Variants in SYNC observed in about 807,000 individuals in gnomAD.
The protein encoded by SYNC is syncoilin, intermediate filament protein.
A neutral mutation model predicts 49.5 loss-of-function variants in SYNC; 38 were observed. The observed-to-expected ratio is 0.77, with a 90% CI of 0.59 to 1.01. The LOEUF (loss-of-function observed/expected upper bound fraction) is 1.01. Ranked by LOEUF, SYNC falls within the 50% of genes least tolerant of loss-of-function variation. The pLI is 0.00. For missense variants in SYNC, 579 were observed against 580.6 expected, an observed-to-expected ratio of 1.00 and a Z score of 0.03; for synonymous variants, 201 against 230.8, an observed-to-expected ratio of 0.87 and a Z score of 1.17.
intron 2 of SYNC, among the ~76,000 whole-genome samples, chr1:32,692,573 C>G (rs1261482509): frequency 3.3e-5 from 5 of 152,086 alleles, no homozygotes; most frequent in Non-Finnish European, 1.5e-5. Context: ...ATGGTGAAAC[C>G]CCATCTCTAC....
chr1:32,693,544 G>C (rs973095417), intron 2 of SYNC, among the ~76,000 whole-genome samples: 1 of 152,202 alleles, frequency 6.6e-6, no homozygotes, highest in Non-Finnish European at 1.5e-5. Flanking sequence ...TGTTTCAAAA[G>C]ATTAAAGTAC....
intron 1 of SYNC, among the ~76,000 whole-genome samples, chr1:32,701,621 G>A (rs1397062611): frequency 1.3e-5 from 2 of 152,184 alleles, no homozygotes; most frequent in Admixed American, 6.5e-5. Flanking sequence ...GGCCTCTGCT[G>A]GGTGCTGCCC....
chr1:32,694,810 C>T (rs1489507918), intron 2 of SYNC, 55 bp downstream of exon 2: 5 of 1,477,580 alleles, frequency 3.4e-6, no homozygotes, highest in Non-Finnish European at 4.5e-6. Flanking sequence ...TGGACTCTGG[C>T]CACTCTTTCC....
chr1:32,698,955 C>CT (rs1279934910), intron 1 of SYNC, among the ~76,000 whole-genome samples: 1 of 151,032 alleles, frequency 6.6e-6, no homozygotes, highest in Non-Finnish European at 1.5e-5. Context: ...AATTTTTTAA[C>CT]TTTTTGTAGA....
At chr1:32,687,861 A>ATTATTATTTTTTTT (rs1280120903) in intron 2 of SYNC, among the ~76,000 whole-genome samples, 1 of 146,440 alleles carries the variant, frequency 6.8e-6, no homozygotes, top group Non-Finnish European at 1.5e-5. Flanking sequence ...TATTATTATT[A>ATTATTATTTTTTTT]TTTTTTGAGA....
At chr1:32,687,516 C>T (rs953774685) in intron 2 of SYNC, among the ~76,000 whole-genome samples, 3 of 151,322 alleles carry the variant, frequency 2.0e-5, no homozygotes, top group African/African-American at 4.9e-5. Context: ...ACTAAAAATA[C>T]AAAAATTAGT....
intron 1 of SYNC, among the ~76,000 whole-genome samples, chr1:32,699,249 G>C (rs998095026): frequency 3.4e-5 from 5 of 147,828 alleles, no homozygotes; most frequent in Non-Finnish European, 7.4e-5. Flanking sequence ...CTCCTCCTGG[G>C]TTCAAGTGAT....
chr1:32,684,424 T>A, intron 2 of SYNC, 42 bp from the exon 3 acceptor site: 1 of 1,612,862 alleles, frequency 6.2e-7, no homozygotes, highest in Non-Finnish European at 8.5e-7. Context: ...AGCCAAACAA[T>A]AAAAACTCAC....
Position 32,680,340 on chromosome 1 carries a change from T to G in SYNC, c.*1510A>C, listed in dbSNP as rs944252470. On this transcript the variant is annotated 3_prime_UTR_variant, in exon 5 of 5. Coordinates refer to ENST00000409190, the MANE Select transcript of SYNC (RefSeq NM_030786.3). ...TTATTTCCTGTCTGTGAAATGGTGTTTTTTTTTTTGTTGTTGGTTTTTTTT... is the reference window on the plus strand; with the variant it reads ...TTATTTCCTGTCTGTGAAATGGTGTGTTTTTTTTTGTTGTTGGTTTTTTTT... 2.8e-5 allele frequency: 33 copies of G among 1,188,692 alleles called. No homozygotes were observed. The East Asian group carries it at 3.3e-4, about 12-fold the overall frequency. 73.6% of individuals were successfully genotyped at this position (1,188,692 alleles called of 1,614,324 possible).
At chr1:32,684,416 C>T (rs770653506) in intron 2 of SYNC, 34 bp from the exon 3 acceptor site, 6 of 1,613,062 alleles carry the variant, frequency 3.7e-6, no homozygotes, top group Non-Finnish European at 5.1e-6. Flanking sequence ...TTCTAATGAG[C>T]CAAACAATAA....
chr1:32,680,613 G>C lies in SYNC; in HGVS notation c.*1237C>G. ...GGCCTGTTACTCTCCATGACTAACT[G>C]TGTAAGTGCTTAAAATGGAATAAAT... On this transcript the variant is annotated 3_prime_UTR_variant, in exon 5 of 5. Transcript: ENST00000409190. 1 of 1,349,240 alleles carries C rather than the reference G, an allele frequency of 7.4e-7. No homozygotes were observed. Among genetic ancestry groups the C allele is most frequent in the Non-Finnish European group, 1.0e-6 (1 of 980,970 alleles). 83.6% of individuals were successfully genotyped at this position (1,349,240 alleles called of 1,614,324 possible).
chr1:32,700,919 CTT>C (rs530251747), intron 1 of SYNC, among the ~76,000 whole-genome samples: 3 of 145,558 alleles, frequency 2.1e-5, no homozygotes, highest in Non-Finnish European at 3.0e-5. Context: ...TCACAATATA[CTT>C]TTTTTTTTTT....
intron 1 of SYNC, among the ~76,000 whole-genome samples, chr1:32,696,363 G>A (rs1221071802): frequency 6.6e-6 from 1 of 151,966 alleles, no homozygotes; most frequent in East Asian, 1.9e-4. Context: ...TGCCGAGGCT[G>A]GAGTGCAATA....
intron 2 of SYNC, among the ~76,000 whole-genome samples, chr1:32,689,598 G>T (rs1650060298): frequency 6.6e-6 from 1 of 151,958 alleles, no homozygotes; most frequent in Non-Finnish European, 1.5e-5. Context: ...GATGATAGAG[G>T]CAACGTTAAG....
chr1:32,680,515 T>C lies in SYNC; in HGVS notation c.*1335A>G. The C allele has an allele frequency of 6.5e-7, 1 of 1,540,138 alleles. No individual in the cohort carries two copies. Among genetic ancestry groups the C allele is most frequent in the Non-Finnish European group, 8.7e-7 (1 of 1,142,968 alleles). On this transcript the variant is annotated 3_prime_UTR_variant, in exon 5 of 5. Transcript: ENST00000409190. ...AATTAATCCTTGATAAGAGTTGCTT[T>C]TTTTTTTTAGGAGTTAGTCCTTGAC...
At chr1:32,691,621 A>T (rs1427399433) in intron 2 of SYNC, among the ~76,000 whole-genome samples, 1 of 152,118 alleles carries the variant, frequency 6.6e-6, no homozygotes, top group East Asian at 1.9e-4. Flanking sequence ...ATGATGCAGC[A>T]GACTACTGAA....
chr1:32,681,999 C>T, intron 4 of SYNC, 139 bp from the exon 5 acceptor site: 1 of 712,010 alleles, frequency 1.4e-6, no homozygotes, highest in South Asian at 1.8e-5. Context: ...TTGGATGCCT[C>T]CTGTTTGTCA....
intron 2 of SYNC, among the ~76,000 whole-genome samples, chr1:32,688,148 A>G (rs1649980849): frequency 6.6e-6 from 1 of 151,938 alleles, no homozygotes; most frequent in South Asian, 2.1e-4. Context: ...ATTCATTCTT[A>G]AGGTTCAGCT....
Position 32,695,016 on chromosome 1 carries a change from A to G in SYNC, c.1082T>C (p.Leu361Pro). Residue 361 changes from leucine to proline, a missense_variant, in exon 2 of 5, where the codon CTG becomes CCG. Leu to Pro is a moderately conservative substitution (Grantham distance 98, BLOSUM62 -3). Coordinates refer to ENST00000409190, the MANE Select transcript of SYNC (RefSeq NM_030786.3). ...CTGGATCTCAGCCTGGGTTCTCTGC[A>G]GAGCTTTGGTCCCAGCTTCTTTCCT... Reference protein sequence around the residue: ...LERKEAGTKALQRTQAEIQEM... With the variant: ...LERKEAGTKAPQRTQAEIQEM... The G allele has an allele frequency of 6.2e-7, 1 of 1,614,062 alleles. No homozygotes were observed.
Sources: allele counts gnomAD v4.1 joint callset (sites outside exome capture counted in the v4.1 genomes callset), GRCh38; gene constraint gnomAD v4.1.1; transcripts MANE v1.5; gene names NCBI Gene and HGNC (gene_info 2026-07-23, HGNC 2026-07-21).